The following TRHDE variants were observed in gnomAD, a reference collection of about 807,000 sequenced individuals.
The protein encoded by TRHDE is thyrotropin releasing hormone degrading enzyme, also known as thyrotropin-releasing hormone-degrading ectoenzyme.
TRHDE carries 72 observed loss-of-function variants against 125.7 expected under a neutral mutation model. That is an observed-to-expected ratio of 0.57 (90% CI 0.47 to 0.70). TRHDE has a LOEUF of 0.70. TRHDE is among the 30% of genes least tolerant of loss of function. The pLI is 0.00. For synonymous variants in TRHDE, 509 were observed against 509.1 expected (o/e 1.00, Z 0.00); for missense variants, 1,110 against 1,327.1 (o/e 0.84, Z 2.54).
intron 2 of TRHDE, among the ~76,000 whole-genome samples, chr12:72,368,850 C>A (rs1415550815): frequency 6.6e-6 from 1 of 152,062 alleles, no homozygotes; most frequent in African/African-American, 2.4e-5. Context: ...ATATTCTACC[C>A]TAATAGTGTT....
chr12:72,342,681 CTT>C (rs1350775584), intron 2 of TRHDE, among the ~76,000 whole-genome samples: 2 of 151,904 alleles, frequency 1.3e-5, no homozygotes, highest in African/African-American at 4.8e-5. Context: ...TTTTTATTGT[CTT>C]AATATTAGAG....
intron 12 of TRHDE, among the ~76,000 whole-genome samples, chr12:72,590,038 GCA>G (rs1280448743): frequency 6.6e-6 from 1 of 151,794 alleles, no homozygotes; most frequent in African/African-American, 2.4e-5. Flanking sequence ...TTTCCTCAAA[GCA>G]CAGTTTTATT....
intron 12 of TRHDE, among the ~76,000 whole-genome samples, chr12:72,589,029 G>A (rs553127995): frequency 2.6e-5 from 4 of 152,182 alleles, no homozygotes; most frequent in South Asian, 2.1e-4. Context: ...CAATTACCTC[G>A]CACTAGGTTT....
At chr12:72,452,384 G>A (rs1875622905) in intron 3 of TRHDE, among the ~76,000 whole-genome samples, 1 of 152,174 alleles carries the variant, frequency 6.6e-6, no homozygotes, top group Admixed American at 6.5e-5. Flanking sequence ...TGTGTCATTG[G>A]CAAATGAGAA....
At chr12:72,509,367 T>C (rs1286607759) in intron 6 of TRHDE, among the ~76,000 whole-genome samples, 2 of 152,098 alleles carry the variant, frequency 1.3e-5, no homozygotes, top group Non-Finnish European at 2.9e-5. Flanking sequence ...CAGGTACTTA[T>C]AGACCCCTGA....
chr12:72,377,754 T>C (rs1403582761), intron 2 of TRHDE, among the ~76,000 whole-genome samples: 2 of 152,160 alleles, frequency 1.3e-5, no homozygotes, highest in Non-Finnish European at 2.9e-5. Context: ...GGTGTATAAA[T>C]CTTCTCAATG....
intron 2 of TRHDE, among the ~76,000 whole-genome samples, chr12:72,158,632 G>C: frequency 6.6e-6 from 1 of 152,190 alleles, no homozygotes; most frequent in South Asian, 2.1e-4. Flanking sequence ...ATACAGTAAA[G>C]ACTATTCATC....
At chr12:72,377,573 G>A (rs1170460002) in intron 2 of TRHDE, among the ~76,000 whole-genome samples, 4 of 152,036 alleles carry the variant, frequency 2.6e-5, no homozygotes, top group South Asian at 2.1e-4. Flanking sequence ...GTAATACTTC[G>A]GAAGCTTGAT....
intron 18 of TRHDE, among the ~76,000 whole-genome samples, chr12:72,660,465 G>A (rs180971846): frequency 2.0e-5 from 3 of 152,208 alleles, no homozygotes; most frequent in East Asian, 3.9e-4. Flanking sequence ...GCCTTCCCTG[G>A]CACTGGCATT....
chr12:72,554,835 T>G (rs1334453338), intron 7 of TRHDE, among the ~76,000 whole-genome samples: 1 of 152,210 alleles, frequency 6.6e-6, no homozygotes, highest in Non-Finnish European at 1.5e-5. Flanking sequence ...ATTATTTCAC[T>G]GACAGGTGTA....
At chr12:72,159,271 C>T (rs979040478) in intron 2 of TRHDE, among the ~76,000 whole-genome samples, 1 of 152,056 alleles carries the variant, frequency 6.6e-6, no homozygotes, top group Non-Finnish European at 1.5e-5. Context: ...ACAAAAACAA[C>T]AATAATTGTC....
upstream of TRHDE, chr12:72,272,007 C>T (rs1334856299): frequency 4.4e-6 from 2 of 456,842 alleles, no homozygotes; most frequent in South Asian, 1.5e-5. The surrounding 1 kb of genome is among the most constrained non-coding windows in gnomAD (Gnocchi z 6.7). Context: ...AGCTTCGCGG[C>T]CCTGGGACTT....
Position 72,275,964 on chromosome 12 carries a change from AT to A in TRHDE, c.914+2416del, listed in dbSNP as rs376534643. Among the ~76,000 whole-genome samples, 503 of 151,150 alleles carry A rather than the reference AT, an allele frequency of 3.3e-3. 3 individuals carry two copies. The highest frequency in any genetic ancestry group is 0.011 in the African/African-American group (470 of 41,160). On this transcript the variant is annotated intron_variant, in intron 1 of 18. Transcript: ENST00000261180. The stretch of plus-strand genomic sequence containing the variant: ...ATCTTAGAGAAAGTCCTTGTTCTTC[AT>A]TTTTTTTTCCTTCCTCATTATTATT...
chr12:72,294,130 G>GCT (rs2139438123), intron 2 of TRHDE, among the ~76,000 whole-genome samples: 1 of 152,322 alleles, frequency 6.6e-6, no homozygotes, highest in East Asian at 1.9e-4. Context: ...CCAGGTCTGG[G>GCT]CTCCCAGAAG....
At chr12:72,564,407 C>T (rs601450) in intron 9 of TRHDE, among the ~76,000 whole-genome samples, 1 of 152,086 alleles carries the variant, frequency 6.6e-6, no homozygotes, top group African/African-American at 2.4e-5. Flanking sequence ...TAGAGAGATT[C>T]GGGCCAGGCC....
intron 15 of TRHDE, among the ~76,000 whole-genome samples, chr12:72,648,904 GAC>G (rs1225697497): frequency 6.6e-6 from 1 of 151,908 alleles, no homozygotes; most frequent in Non-Finnish European, 1.5e-5. Context: ...AAATAAAGAA[GAC>G]ACAAATGGAA....
chr12:72,354,894 G>T (rs2135744237), intron 2 of TRHDE, among the ~76,000 whole-genome samples: 1 of 151,502 alleles, frequency 6.6e-6, no homozygotes, highest in South Asian at 2.1e-4. Flanking sequence ...TGGGGAGATT[G>T]AGTGAAAAAC....
intron 12 of TRHDE, among the ~76,000 whole-genome samples, chr12:72,613,427 T>TA (rs545097259): frequency 6.6e-6 from 1 of 152,150 alleles, no homozygotes; most frequent in African/African-American, 2.4e-5. Flanking sequence ...ATGCTTAATT[T>TA]AAAAAAATGG....
chr12:72,416,374 G>A lies in TRHDE; in HGVS notation c.1315+38253G>A, dbSNP rs528365430. The stretch of plus-strand genomic sequence containing the variant: ...CTCTTTGTTGATTGTTTCCTTTGCT[G>A]TGCAGAAGCTTTTTGGCTTTATGTG... On this transcript the variant is annotated intron_variant, in intron 3 of 18. Transcript: ENST00000261180. 3.9e-5 allele frequency among the ~76,000 whole-genome samples: 6 copies of A among 151,960 alleles called. No individual in the cohort carries two copies. The East Asian group carries it at 1.2e-3, about 29-fold the overall frequency.
Sources: allele counts gnomAD v4.1 joint callset (sites outside exome capture counted in the v4.1 genomes callset), GRCh38; gene constraint gnomAD v4.1.1; non-coding constraint Gnocchi (gnomAD v3.1); transcripts MANE v1.5; gene names NCBI Gene and HGNC (gene_info 2026-07-23, HGNC 2026-07-21).